The following CPNE8 variants were observed in gnomAD, a reference collection of about 807,000 sequenced individuals.
CPNE8 encodes the protein copine-8.
Under a neutral mutation model 81.5 loss-of-function variants are expected in CPNE8, and 45 were observed. The observed-to-expected ratio is 0.55, with a 90% CI of 0.44 to 0.71. CPNE8 has a LOEUF of 0.71. Among genes scored for constraint, CPNE8 ranks in the 30% least tolerant of loss-of-function variants. The pLI is 0.00. For synonymous variants in CPNE8, 252 were observed against 226.3 expected (o/e 1.11, Z -1.02); for missense variants, 594 against 672.1 (o/e 0.88, Z 1.28).
At chr12:38,776,399 A>C in intron 6 of CPNE8, 98 bp from the exon 7 acceptor site, 1 of 322,016 alleles carries the variant, frequency 3.1e-6, no homozygotes, top group Non-Finnish European at 5.4e-6. Flanking sequence ...TACTCTAATA[A>C]AGAGCATATA....
chr12:38,760,167 C>T (rs1941543375), intron 10 of CPNE8, among the ~76,000 whole-genome samples: 1 of 152,034 alleles, frequency 6.6e-6, no homozygotes, highest in Non-Finnish European at 1.5e-5. Context: ...TTTCAGGGAG[C>T]ACCTAGAGAG....
At chr12:38,879,906 T>C (rs1452067640) in intron 1 of CPNE8, among the ~76,000 whole-genome samples, 1 of 152,024 alleles carries the variant, frequency 6.6e-6, no homozygotes, top group African/African-American at 2.4e-5. Context: ...AGACATAAAA[T>C]TAATTCCAAA....
At chr12:38,803,598 A>G (rs976476866) in intron 6 of CPNE8, among the ~76,000 whole-genome samples, 13 of 142,342 alleles carry the variant, frequency 9.1e-5, no homozygotes, top group African/African-American at 3.3e-4. Context: ...AAACTGGCAC[A>G]AGACAGGGAT....
chr12:38,673,802 A>G (rs1939231215), intron 18 of CPNE8, among the ~76,000 whole-genome samples: 1 of 151,810 alleles, frequency 6.6e-6, no homozygotes, highest in Non-Finnish European at 1.5e-5. Context: ...GAAATAACTG[A>G]GCTTGAATCA....
At chr12:38,798,825 A>G (rs1942575716) in intron 6 of CPNE8, among the ~76,000 whole-genome samples, 1 of 152,206 alleles carries the variant, frequency 6.6e-6, no homozygotes, top group Non-Finnish European at 1.5e-5. Context: ...AGAGACACAC[A>G]TAGGCTCAAA....
chr12:38,897,387 A>T (rs1310460935), intron 1 of CPNE8, among the ~76,000 whole-genome samples: 1 of 152,120 alleles, frequency 6.6e-6, no homozygotes, highest in Non-Finnish European at 1.5e-5. Flanking sequence ...GAGATGTTAG[A>T]TGTTTGTGAT....
upstream of CPNE8, chr12:38,905,651 G>A (rs1331074340): frequency 2.7e-6 from 4 of 1,495,638 alleles, no homozygotes; most frequent in Non-Finnish European, 3.6e-6. Context: ...AGAAGGAGGC[G>A]GAGGCAGCGC....
intron 10 of CPNE8, among the ~76,000 whole-genome samples, chr12:38,751,917 AC>A (rs1334148973): frequency 6.6e-6 from 1 of 151,998 alleles, no homozygotes; most frequent in Admixed American, 6.6e-5. Flanking sequence ...CATTGTAAAA[AC>A]TTTTTCTACT....
At chr12:38,716,433 A>T (rs897243405) in intron 13 of CPNE8, among the ~76,000 whole-genome samples, 1 of 152,088 alleles carries the variant, frequency 6.6e-6, no homozygotes. Flanking sequence ...GCAGTATGGT[A>T]CTGGTAAAAT....
chr12:38,671,794 T>C (rs1023947392), intron 18 of CPNE8, among the ~76,000 whole-genome samples: 4 of 152,124 alleles, frequency 2.6e-5, no homozygotes, highest in African/African-American at 9.7e-5. Flanking sequence ...GTTTTCAATT[T>C]TACCTTTCTA....
intron 13 of CPNE8, among the ~76,000 whole-genome samples, chr12:38,705,307 A>G (rs1283900121): frequency 1.3e-5 from 2 of 152,094 alleles, no homozygotes; most frequent in African/African-American, 4.8e-5. Context: ...TCTTAGTAAA[A>G]ACTATTGTGA....
At chr12:38,903,898 TC>T (rs753504696) in intron 1 of CPNE8, among the ~76,000 whole-genome samples, 4 of 152,180 alleles carry the variant, frequency 2.6e-5, no homozygotes, top group Non-Finnish European at 2.9e-5. Context: ...GCTATCATTA[TC>T]AGCATGATTA....
At chr12:38,892,212 C>T (rs1944323211) in intron 1 of CPNE8, among the ~76,000 whole-genome samples, 1 of 152,150 alleles carries the variant, frequency 6.6e-6, no homozygotes, top group African/African-American at 2.4e-5. Flanking sequence ...ACCTAGTCCA[C>T]TTTGGCTGGT....
chr12:38,748,018 A>ATTT (rs894852412), intron 10 of CPNE8, among the ~76,000 whole-genome samples: 1 of 151,666 alleles, frequency 6.6e-6, no homozygotes, highest in Admixed American at 6.6e-5. Flanking sequence ...TTATTTATTT[A>ATTT]TTTTTTTTAT....
chr12:38,756,546 G>A (rs1441881816), intron 10 of CPNE8, among the ~76,000 whole-genome samples: 3 of 152,002 alleles, frequency 2.0e-5, no homozygotes, highest in Non-Finnish European at 2.9e-5. Context: ...CATAGAGACA[G>A]GGTCTTGTTT....
rs1939979608 is a variant in CPNE8 at position 38,702,799 on chromosome 12, A to G, written c.961+76T>C. On this transcript the variant is annotated intron_variant, in intron 14 of 19. Transcript: ENST00000331366. ...AAGTATGTAAATATAGAAATAAATT[A>G]ACACTTATGAAAATATAAATTTATT... The G allele has an allele frequency of 7.1e-6, 6 of 850,402 alleles. No individual in the cohort carries two copies. In the South Asian group the frequency reaches 8.1e-5, roughly 12 times the overall value. 52.7% of individuals were successfully genotyped at this position (850,402 alleles called of 1,614,324 possible).
chr12:38,717,445 A>G (rs1940430454), intron 13 of CPNE8, among the ~76,000 whole-genome samples: 1 of 137,222 alleles, frequency 7.3e-6, no homozygotes, highest in South Asian at 2.3e-4. Context: ...ATATATATAT[A>G]TATATATATA....
intron 7 of CPNE8, among the ~76,000 whole-genome samples, chr12:38,772,944 C>CACACACAT (rs1941837034): frequency 6.6e-6 from 1 of 151,496 alleles, no homozygotes; most frequent in African/African-American, 2.4e-5. Flanking sequence ...CACACACACA[C>CACACACAT]ATATATATGT....
intron 19 of CPNE8, among the ~76,000 whole-genome samples, chr12:38,660,529 C>A (rs1938928521): frequency 6.6e-6 from 1 of 152,134 alleles, no homozygotes; most frequent in Non-Finnish European, 1.5e-5. Flanking sequence ...AAAACCTAGG[C>A]AATACCATTC....
Sources: gnomAD v4.1 joint callset for allele counts (sites outside exome capture counted in the v4.1 genomes callset) on GRCh38, gnomAD v4.1.1 for gene constraint, MANE v1.5 for transcripts, NCBI Gene and HGNC (gene_info 2026-07-23, HGNC 2026-07-21) for gene names.